The following DOCK3 variants were observed in gnomAD, a reference collection of about 807,000 sequenced individuals.
The protein encoded by DOCK3 is dedicator of cytokinesis protein 3.
In DOCK3, 60 loss-of-function variants were observed where a neutral mutation model predicts 265.6. That is an observed-to-expected ratio of 0.23 (90% CI 0.18 to 0.28). The LOEUF (loss-of-function observed/expected upper bound fraction) is 0.28. Ranked by LOEUF, DOCK3 falls within the 10% of genes least tolerant of loss-of-function variation. The probability of loss-of-function intolerance (pLI) is 1.00; values close to 1 mark genes in which losing one functional copy is unlikely to be tolerated. For synonymous variants in DOCK3, 881 were observed against 938.0 expected (o/e 0.94, Z 1.11); for missense variants, 1,981 against 2,594.3 (o/e 0.76, Z 5.14).
chr3:51,039,912 T>C lies in DOCK3; in HGVS notation c.316-24536T>C, dbSNP rs1054620787. Among the ~76,000 whole-genome samples, 28 of 131,200 alleles carry C rather than the reference T, an allele frequency of 2.1e-4. 1 individual carries two copies. The highest frequency in any genetic ancestry group is 3.5e-4 in the Non-Finnish European group (22 of 62,948). 86.1% of individuals were successfully genotyped at this position (131,200 alleles called of 152,430 possible). A position where few individuals can be genotyped will look rare whatever the true frequency, so the allele number is the denominator to read the frequency against. On this transcript the variant is annotated intron_variant, in intron 5 of 52. Coordinates refer to ENST00000266037, the MANE Select transcript of DOCK3 (RefSeq NM_004947.5). The stretch of plus-strand genomic sequence containing the variant: ...TTTTTTTTTTTTTTTTTTTAACATA[T>C]AAGACCTCATCTTATTTGTTTTCTC...
At chr3:51,067,435 G>GTGTGTGTGTGTGTGTGTT in intron 6 of DOCK3, among the ~76,000 whole-genome samples, 1 of 149,852 alleles carries the variant, frequency 6.7e-6, no homozygotes, top group African/African-American at 2.5e-5. Context: ...GTTTGTGTGT[G>GTGTGTGTGTGTGTGTGTT]TGTGTGTGTG....
intron 5 of DOCK3, among the ~76,000 whole-genome samples, chr3:50,995,579 C>T (rs1173864851): frequency 3.3e-5 from 5 of 152,124 alleles, no homozygotes; most frequent in African/African-American, 1.2e-4. Flanking sequence ...AAGAAAGGTT[C>T]ACACATGAGA....
At chr3:51,209,395 CT>C (rs1272197795) in intron 13 of DOCK3, among the ~76,000 whole-genome samples, 1 of 152,148 alleles carries the variant, frequency 6.6e-6, no homozygotes, top group Non-Finnish European at 1.5e-5. Context: ...TTTTCCCTTC[CT>C]TTCTGTAAAA....
intron 5 of DOCK3, among the ~76,000 whole-genome samples, chr3:51,054,019 T>G (rs374463133): frequency 1.3e-5 from 2 of 151,824 alleles, no homozygotes; most frequent in East Asian, 3.9e-4. Flanking sequence ...GAGAATTTTC[T>G]TTGCTTCTCT....
At chr3:51,219,109 G>A (rs1382863438) in intron 14 of DOCK3, among the ~76,000 whole-genome samples, 1 of 152,118 alleles carries the variant, frequency 6.6e-6, no homozygotes, top group African/African-American at 2.4e-5. Context: ...TCTTCCCCTT[G>A]TGCTCAGAAA....
At chr3:51,265,647 A>C (rs2080121301) in intron 23 of DOCK3, among the ~76,000 whole-genome samples, 1 of 152,234 alleles carries the variant, frequency 6.6e-6, no homozygotes, top group Non-Finnish European at 1.5e-5. Flanking sequence ...ATAAAATTCA[A>C]CATCACTTCA....
chr3:51,043,735 GA>G (rs922008656), intron 5 of DOCK3, among the ~76,000 whole-genome samples: 118 of 147,736 alleles, frequency 8.0e-4, no homozygotes, highest in African/African-American at 2.8e-3. Context: ...AAATTTACAA[GA>G]AAAAAAAACC....
chr3:51,059,497 C>T (rs1032788875), intron 5 of DOCK3, among the ~76,000 whole-genome samples: 5 of 150,306 alleles, frequency 3.3e-5, no homozygotes, highest in Non-Finnish European at 7.4e-5. Flanking sequence ...ACACACACCC[C>T]ACATCCCACA....
chr3:51,205,196 T>TG (rs1056860247), intron 12 of DOCK3, among the ~76,000 whole-genome samples: 2 of 149,544 alleles, frequency 1.3e-5, no homozygotes, highest in Non-Finnish European at 3.0e-5. Context: ...ATAAATACAG[T>TG]GAAAAAAAAA....
At chr3:50,730,243 G>A (rs1350212668) in intron 1 of DOCK3, among the ~76,000 whole-genome samples, 1 of 152,096 alleles carries the variant, frequency 6.6e-6, no homozygotes, top group Non-Finnish European at 1.5e-5. Flanking sequence ...TCAGGTTCAA[G>A]CGATTCTCCT....
intron 5 of DOCK3, 24 bp downstream of exon 5, chr3:50,934,101 T>G: frequency 1.3e-6 from 2 of 1,524,264 alleles, no homozygotes; most frequent in Non-Finnish European, 1.8e-6. Context: ...TACTGGTTTA[T>G]TGGATCATTA....
rs570366017 is a variant in DOCK3, at chr3:50,839,096, T to A, written c.122-2579T>A. ...CATGGTGTCACATTTGCATTATCAT[T>A]ATATGGTGTTAAATGTATCCACAGT... On this transcript the variant is annotated intron_variant, in intron 2 of 52. Coordinates refer to ENST00000266037, the MANE Select transcript of DOCK3 (RefSeq NM_004947.5). Among the ~76,000 whole-genome samples, 5 of 152,320 alleles carry A rather than the reference T, an allele frequency of 3.3e-5. No individual in the cohort carries two copies. In the South Asian group the frequency reaches 1.0e-3, roughly 32 times the overall value.
At chr3:50,897,262 T>TC (rs761715525) in intron 4 of DOCK3, among the ~76,000 whole-genome samples, 36 of 152,186 alleles carry the variant, frequency 2.4e-4, no homozygotes, top group Non-Finnish European at 4.1e-4. Context: ...GAATGGGAGT[T>TC]CACTCATGAT....
chr3:50,743,620 A>C (rs2039224943), intron 1 of DOCK3, among the ~76,000 whole-genome samples: 3 of 151,922 alleles, frequency 2.0e-5, no homozygotes, highest in African/African-American at 7.3e-5. Flanking sequence ...TAAAGGGATC[A>C]ATTCAACAAG....
chr3:51,250,487 C>G (rs1473634610), intron 22 of DOCK3, among the ~76,000 whole-genome samples: 1 of 152,050 alleles, frequency 6.6e-6, no homozygotes, highest in Non-Finnish European at 1.5e-5. Flanking sequence ...GGCATGGTGG[C>G]ATGCACCTGT....
At chr3:51,316,520 T>C (rs1254119122) in intron 32 of DOCK3, among the ~76,000 whole-genome samples, 1 of 152,256 alleles carries the variant, frequency 6.6e-6, no homozygotes, top group Admixed American at 6.5e-5. Flanking sequence ...AGTGTGTAAT[T>C]AGCTTTCGAA....
At chr3:50,869,859 T>A (rs953652403) in intron 3 of DOCK3, among the ~76,000 whole-genome samples, 1 of 152,210 alleles carries the variant, frequency 6.6e-6, no homozygotes, top group Non-Finnish European at 1.5e-5. Flanking sequence ...TGTCATTTTT[T>A]AAAAATTACT....
intron 40 of DOCK3, among the ~76,000 whole-genome samples, 179 bp downstream of exon 40, chr3:51,350,571 G>A (rs2085910167): frequency 6.6e-6 from 1 of 152,190 alleles, no homozygotes; most frequent in Non-Finnish European, 1.5e-5. Flanking sequence ...TTCAGACTCT[G>A]TTTTAGTCTG....
At chr3:51,186,646 C>A (rs1370014138) in intron 12 of DOCK3, among the ~76,000 whole-genome samples, 3 of 152,154 alleles carry the variant, frequency 2.0e-5, no homozygotes, top group African/African-American at 4.8e-5. Flanking sequence ...GTTTCGTGGG[C>A]CAGGTCCAGG....
Sources: gnomAD v4.1 joint callset for allele counts (sites outside exome capture counted in the v4.1 genomes callset) on GRCh38, gnomAD v4.1.1 for gene constraint, MANE v1.5 for transcripts, NCBI Gene and HGNC (gene_info 2026-07-23, HGNC 2026-07-21) for gene names.